CSMD1: variants seen among roughly 807,000 people sequenced by gnomAD.
The protein encoded by CSMD1 is CUB and sushi domain-containing protein 1.
Under a neutral mutation model 417.5 loss-of-function variants are expected in CSMD1, and 213 were observed. That is an observed-to-expected ratio of 0.51 (90% CI 0.46 to 0.57). The LOEUF (loss-of-function observed/expected upper bound fraction) is 0.57. Among genes scored for constraint, CSMD1 ranks in the 20% least tolerant of loss-of-function variants. CSMD1 has a pLI of 0.00. For synonymous variants in CSMD1, 2,862 were observed against 1,736.8 expected (o/e 1.65, Z -16.11); for missense variants, 6,923 against 4,529.7 (o/e 1.53, Z -15.17).
intron 5 of CSMD1, among the ~76,000 whole-genome samples, chr8:3,777,080 T>C (rs538994209): frequency 6.6e-6 from 1 of 151,520 alleles, no homozygotes; most frequent in South Asian, 2.1e-4. Flanking sequence ...TCATGCTTCC[T>C]ACTATCTATC....
At chr8:4,666,231 G>C (rs1009081161) in intron 1 of CSMD1, among the ~76,000 whole-genome samples, 3 of 152,192 alleles carry the variant, frequency 2.0e-5, no homozygotes, top group Non-Finnish European at 4.4e-5. Flanking sequence ...ATTTAATGTG[G>C]TGGAGGGGAA....
chr8:4,599,287 G>C (rs578219532), intron 2 of CSMD1, among the ~76,000 whole-genome samples: 1 of 152,222 alleles, frequency 6.6e-6, no homozygotes, highest in African/African-American at 2.4e-5. Flanking sequence ...TGTATACTGT[G>C]GTGGATCATG....
In CSMD1 at chr8:3,728,951, G is replaced by A. The variant is rs191099311; in HGVS notation, c.932-20460C>T. Among the ~76,000 whole-genome samples, 10 of 152,284 alleles carry A rather than the reference G, an allele frequency of 6.6e-5. No individual in the cohort carries two copies. The East Asian group carries it at 7.7e-4, about 12-fold the overall frequency. On this transcript the variant is annotated intron_variant, in intron 6 of 69. Coordinates refer to ENST00000635120, the MANE Select transcript of CSMD1 (RefSeq NM_033225.6). ...AATAATCCCAAAATAATGCAAATGA[G>A]TGCCGTTCGAATATCTGCAGGGCTG...
At position 3,764,674 on chromosome 8, in the gene CSMD1, T is replaced by C. The variant is rs144689404; in HGVS notation, c.819-10632A>G. 1.2e-3 allele frequency among the ~76,000 whole-genome samples: 178 copies of C among 152,098 alleles called. 1 individual carries two copies. The highest frequency in any genetic ancestry group is 3.7e-3 in the African/African-American group (154 of 41,522). Reference sequence around the variant, plus strand: ...TAGACAGGGGCTGGGGAGTTCATTATCTAGAGCAGTAATCACCTGAAAATT... The same window carrying C: ...TAGACAGGGGCTGGGGAGTTCATTACCTAGAGCAGTAATCACCTGAAAATT... On this transcript the variant is annotated intron_variant, in intron 5 of 69. Transcript: ENST00000635120.
chr8:4,792,066 G>C (rs1381288989), intron 1 of CSMD1, among the ~76,000 whole-genome samples: 1 of 151,918 alleles, frequency 6.6e-6, no homozygotes, highest in Non-Finnish European at 1.5e-5. Context: ...TTCACTGCCT[G>C]GTTTTAACTT....
At chr8:3,925,596 C>G (rs1584975677) in intron 5 of CSMD1, among the ~76,000 whole-genome samples, 1 of 151,992 alleles carries the variant, frequency 6.6e-6, no homozygotes, top group Non-Finnish European at 1.5e-5. Flanking sequence ...CCAGTCTTTC[C>G]CCTACTATTC....
At chr8:4,593,516 T>A (rs1473734637) in intron 2 of CSMD1, among the ~76,000 whole-genome samples, 2 of 152,212 alleles carry the variant, frequency 1.3e-5, no homozygotes, top group South Asian at 2.1e-4. Context: ...TATTTTTCAA[T>A]TATAAATAGC....
At chr8:4,706,150 T>TA (rs1432523493) in intron 1 of CSMD1, among the ~76,000 whole-genome samples, 5 of 150,788 alleles carry the variant, frequency 3.3e-5, no homozygotes, top group Non-Finnish European at 7.4e-5. Context: ...ATTAAAATTT[T>TA]ATGTATTTAT....
intron 20 of CSMD1, 67 bp from the exon 21 acceptor site, chr8:3,359,407 G>T: frequency 2.8e-4 from 199 of 715,084 alleles, no homozygotes; most frequent in Middle Eastern, 7.0e-4. Flanking sequence ...TAAATAGCAA[G>T]AATAAAAAGT....
intron 3 of CSMD1, among the ~76,000 whole-genome samples, chr8:4,150,813 G>A (rs185280808): frequency 2.6e-5 from 4 of 152,114 alleles, no homozygotes; most frequent in East Asian, 1.9e-4. Flanking sequence ...AGAGGTGTTG[G>A]GAGAAGACAG....
At chr8:4,979,313 T>C (rs1338904499) in intron 1 of CSMD1, among the ~76,000 whole-genome samples, 1 of 152,208 alleles carries the variant, frequency 6.6e-6, no homozygotes, top group Non-Finnish European at 1.5e-5. Flanking sequence ...TTTCTTCTTG[T>C]AATCCTTATG....
chr8:3,761,083 T>G (rs1217670506), intron 5 of CSMD1, among the ~76,000 whole-genome samples: 1 of 152,224 alleles, frequency 6.6e-6, no homozygotes, highest in African/African-American at 2.4e-5. Flanking sequence ...TGACATGTTA[T>G]GTTTTGAATT....
chr8:4,943,367 A>G (rs1486613672), intron 1 of CSMD1, among the ~76,000 whole-genome samples: 3 of 151,828 alleles, frequency 2.0e-5, no homozygotes, highest in Non-Finnish European at 2.9e-5. Flanking sequence ...GTGGTGGTGG[A>G]CGCCTGTAGT....
At chr8:3,853,940 G>A (rs1359430984) in intron 5 of CSMD1, among the ~76,000 whole-genome samples, 1 of 143,306 alleles carries the variant, frequency 7.0e-6, no homozygotes, top group African/African-American at 2.6e-5. Context: ...ATATATTAAA[G>A]TATAATATAT....
At chr8:4,839,978 A>G (rs1388911134) in intron 1 of CSMD1, among the ~76,000 whole-genome samples, 1 of 152,174 alleles carries the variant, frequency 6.6e-6, no homozygotes, top group Non-Finnish European at 1.5e-5. Context: ...CAAGTGTAAA[A>G]TAGGAATGTG....
At chr8:4,541,495 C>G (rs531049934) in intron 2 of CSMD1, among the ~76,000 whole-genome samples, 156 of 152,208 alleles carry the variant, frequency 1.0e-3, no homozygotes, top group Non-Finnish European at 1.4e-3. Context: ...CACCTGTAAT[C>G]CCCACACTTT....
intron 3 of CSMD1, among the ~76,000 whole-genome samples, chr8:4,160,871 T>C (rs1316932929): frequency 6.6e-6 from 1 of 152,224 alleles, no homozygotes; most frequent in Non-Finnish European, 1.5e-5. Flanking sequence ...GGAGAAATTC[T>C]AAAAAGGACA....
intron 3 of CSMD1, among the ~76,000 whole-genome samples, chr8:4,316,662 A>G (rs929270630): frequency 6.6e-6 from 1 of 152,096 alleles, no homozygotes; most frequent in Non-Finnish European, 1.5e-5. Flanking sequence ...GTCAAGATGA[A>G]GGACTCAAAT....
At chr8:4,253,985 C>T (rs1025837196) in intron 3 of CSMD1, among the ~76,000 whole-genome samples, 5 of 133,286 alleles carry the variant, frequency 3.8e-5, no homozygotes, top group Non-Finnish European at 4.6e-5. Flanking sequence ...GGTGCGATCT[C>T]GGCTCACTGC....
Sources: gnomAD v4.1 joint callset for allele counts (sites outside exome capture counted in the v4.1 genomes callset) on GRCh38, gnomAD v4.1.1 for gene constraint, MANE v1.5 for transcripts, NCBI Gene and HGNC (gene_info 2026-07-23, HGNC 2026-07-21) for gene names.